The following TMEM272 variants were observed in gnomAD, a reference collection of about 807,000 sequenced individuals.
TMEM272 encodes long intergenic non-protein coding RNA 282.
TMEM272 carries 8 observed loss-of-function variants against 3.7 expected under a neutral mutation model. The observed-to-expected ratio is 2.17, with a 90% CI of 1.27 to 3.91. The LOEUF is 3.91. TMEM272 is among the 30% of genes most tolerant of loss of function. The pLI is 0.00. For missense variants in TMEM272, 166 were observed against 91.5 expected, an observed-to-expected ratio of 1.81 and a Z score of -3.32; for synonymous variants, 63 against 39.8, an observed-to-expected ratio of 1.58 and a Z score of -2.20.
the TMEM272 span, chr13:51,908,639 A>G: frequency 2.0e-6 from 3 of 1,481,832 alleles, no homozygotes; most frequent in Admixed American, 3.4e-5. Flanking sequence ...CTTTGGTATC[A>G]TTTCCACTGG....
At chr13:51,926,478 C>T in the TMEM272 span, among the ~76,000 whole-genome samples, 4 of 152,114 alleles carry the variant, frequency 2.6e-5, no homozygotes, top group South Asian at 6.2e-4. Flanking sequence ...GAGGTGAGGG[C>T]GTAATCAGAG....
the TMEM272 span, chr13:51,866,074 G>C: frequency 2.5e-6 from 4 of 1,569,830 alleles, no homozygotes; most frequent in Non-Finnish European, 3.4e-6. Context: ...CCCGAGGCAG[G>C]GCGTAGCCAG....
the TMEM272 span, among the ~76,000 whole-genome samples, chr13:51,920,189 G>T: frequency 8.7e-6 from 1 of 114,754 alleles, no homozygotes; most frequent in Non-Finnish European, 1.8e-5. Context: ...TTGCGCTGCT[G>T]CCTGTATTTT....
chr13:51,865,596 G>A, the TMEM272 span: 594 of 1,614,146 alleles, frequency 3.7e-4, 2 homozygotes, highest in African/African-American at 6.1e-3. Context: ...TGGACTTTCC[G>A]AGGCAAGATC....
chr13:51,871,835 CACACACACAA>C, the TMEM272 span, among the ~76,000 whole-genome samples: 295 of 94,230 alleles, frequency 3.1e-3, 1 homozygote, highest in African/African-American at 9.3e-3. Flanking sequence ...CACACACACA[CACACACACAA>C]ACAGAGACGC....
intron 4 of TMEM272, among the ~76,000 whole-genome samples, 195 bp downstream of exon 4, chr13:51,821,860 T>C (rs1202484783): frequency 1.3e-5 from 2 of 152,104 alleles, no homozygotes; most frequent in Non-Finnish European, 2.9e-5. Flanking sequence ...CTTGCAAATA[T>C]GCACAGCCCT....
the TMEM272 span, among the ~76,000 whole-genome samples, chr13:51,852,351 G>C: frequency 6.6e-6 from 1 of 152,192 alleles, no homozygotes; most frequent in Non-Finnish European, 1.5e-5. Context: ...GTCTTTGTCT[G>C]CTCAATTTCA....
intron 3 of TMEM272, among the ~76,000 whole-genome samples, chr13:51,826,308 A>C (rs1422881143): frequency 1.3e-5 from 2 of 152,168 alleles, no homozygotes; most frequent in Admixed American, 1.3e-4. Context: ...GATCAGAATC[A>C]TCTGGGGACA....
At chr13:51,919,219 A>G in the TMEM272 span, among the ~76,000 whole-genome samples, 1 of 152,170 alleles carries the variant, frequency 6.6e-6, no homozygotes, top group African/African-American at 2.4e-5. Flanking sequence ...CCCTCTCTAC[A>G]AACACCAGAC....
the TMEM272 span, among the ~76,000 whole-genome samples, chr13:51,911,773 C>T: frequency 1.3e-5 from 2 of 152,172 alleles, no homozygotes; most frequent in Non-Finnish European, 2.9e-5. Flanking sequence ...CTGCCACTCC[C>T]TTGCCCACAG....
chr13:51,903,049 T>A, the TMEM272 span, among the ~76,000 whole-genome samples: 1 of 132,294 alleles, frequency 7.6e-6, no homozygotes, highest in Non-Finnish European at 1.8e-5. Context: ...CCACTGGGGG[T>A]GTTGATTATA....
At chr13:51,919,863 C>A in the TMEM272 span, among the ~76,000 whole-genome samples, 3 of 152,138 alleles carry the variant, frequency 2.0e-5, no homozygotes, top group Non-Finnish European at 4.4e-5. Context: ...CAAATGCAAG[C>A]AAAGAAAGTG....
intron 1 of TMEM272, among the ~76,000 whole-genome samples, chr13:51,843,251 C>T (rs558530357): frequency 1.8e-4 from 27 of 152,176 alleles, no homozygotes; most frequent in Admixed American, 7.9e-4. Context: ...CAGAGGAAGC[C>T]CACAAAGAAA....
chr13:51,924,833 A>G, the TMEM272 span, among the ~76,000 whole-genome samples: 12 of 151,718 alleles, frequency 7.9e-5, no homozygotes. Context: ...GCCTGACCTC[A>G]CTCAGTTCTC....
the TMEM272 span, among the ~76,000 whole-genome samples, chr13:51,888,870 C>T: frequency 1.1e-4 from 16 of 152,128 alleles, no homozygotes; most frequent in East Asian, 7.7e-4. Context: ...TAGTCTCAAA[C>T]GCCTGACCTC....
upstream of TMEM272, among the ~76,000 whole-genome samples, chr13:51,849,993 T>C (rs370248725): frequency 6.6e-6 from 1 of 152,278 alleles, no homozygotes; most frequent in Admixed American, 6.5e-5. Context: ...GACAGGAGGA[T>C]TGCTTGACAC....
upstream of TMEM272, among the ~76,000 whole-genome samples, chr13:51,847,735 G>A (rs1020442230): frequency 5.9e-5 from 9 of 152,116 alleles, no homozygotes; most frequent in African/African-American, 9.7e-5. Flanking sequence ...GGGAGCACAC[G>A]GTGACCATAA....
At chr13:51,902,279 T>C in the TMEM272 span, among the ~76,000 whole-genome samples, 1 of 152,048 alleles carries the variant, frequency 6.6e-6, no homozygotes, top group Non-Finnish European at 1.5e-5. Flanking sequence ...ACTGAAGGGG[T>C]GGTAGGCATT....
the TMEM272 span, chr13:51,909,253 C>CT: frequency 2.7e-6 from 3 of 1,127,354 alleles, no homozygotes; most frequent in South Asian, 2.5e-5. Flanking sequence ...TTATCATGTG[C>CT]TTTTTTCTCA....
Sources: allele counts gnomAD v4.1 joint callset (sites outside exome capture counted in the v4.1 genomes callset), GRCh38; gene constraint gnomAD v4.1.1; transcripts MANE v1.5; gene names NCBI Gene and HGNC (gene_info 2026-07-23, HGNC 2026-07-21).